Variants in CNTNAP5 observed in about 807,000 individuals in gnomAD.
CNTNAP5 encodes contactin-associated protein-like 5.
A neutral mutation model predicts 150.2 loss-of-function variants in CNTNAP5; 72 were observed. That is an observed-to-expected ratio of 0.48 (90% confidence interval 0.40 to 0.58). CNTNAP5 has a LOEUF of 0.58. Ranked by LOEUF, CNTNAP5 falls within the 20% of genes least tolerant of loss-of-function variation. CNTNAP5 has a pLI of 0.00. For synonymous variants in CNTNAP5, 672 were observed against 619.8 expected (o/e 1.08, Z -1.25); for missense variants, 1,636 against 1,626.2 (o/e 1.01, Z -0.10).
chr2:124,251,075 A>G (rs998562594), intron 3 of CNTNAP5, among the ~76,000 whole-genome samples: 1 of 152,124 alleles, frequency 6.6e-6, no homozygotes, highest in African/African-American at 2.4e-5. Flanking sequence ...ACCAATTGCA[A>G]TTGTCCATAT....
intron 3 of CNTNAP5, among the ~76,000 whole-genome samples, chr2:124,408,166 C>T (rs1691632610): frequency 6.6e-6 from 1 of 152,218 alleles, no homozygotes; most frequent in African/African-American, 2.4e-5. Flanking sequence ...GAATACTGCG[C>T]TTTTCCGACG....
chr2:124,449,370 A>C (rs545963102), intron 6 of CNTNAP5, among the ~76,000 whole-genome samples: 1 of 151,890 alleles, frequency 6.6e-6, no homozygotes, highest in South Asian at 2.1e-4. Context: ...CAACAGCAAA[A>C]AAAACAAAAC....
chr2:124,703,191 T>TTTCC (rs1223144389), intron 13 of CNTNAP5, among the ~76,000 whole-genome samples: 3 of 107,358 alleles, frequency 2.8e-5, no homozygotes, highest in Non-Finnish European at 4.5e-5. Context: ...CCTCTCCTTC[T>TTTCC]TTCCTTCCTT....
intron 19 of CNTNAP5, among the ~76,000 whole-genome samples, chr2:124,862,385 C>A (rs191452187): frequency 6.6e-6 from 1 of 152,166 alleles, no homozygotes; most frequent in Non-Finnish European, 1.5e-5. Context: ...CAACACCTTC[C>A]CTCTGACAAT....
intron 12 of CNTNAP5, among the ~76,000 whole-genome samples, chr2:124,620,548 C>T (rs887603850): frequency 6.6e-6 from 1 of 152,088 alleles, no homozygotes; most frequent in African/African-American, 2.4e-5. Flanking sequence ...AATTCTAGCA[C>T]ATTCTAGCTG....
intron 1 of CNTNAP5, among the ~76,000 whole-genome samples, chr2:124,078,809 G>A (rs1682495301): frequency 6.6e-6 from 1 of 152,142 alleles, no homozygotes; most frequent in Non-Finnish European, 1.5e-5. Flanking sequence ...TGTCTGGAGA[G>A]GGATGCAGGG....
chr2:124,268,175 A>G lies in CNTNAP5; in HGVS notation c.381+25782A>G, dbSNP rs919637981. On this transcript the variant is annotated intron_variant, in intron 3 of 23. Coordinates refer to ENST00000682447, the MANE Select transcript of CNTNAP5 (RefSeq NM_001367498.1). The stretch of plus-strand genomic sequence containing the variant: ...GCACTGGTTTTGCTTTGAAACAGTC[A>G]AAGAAGAGAACTGCCATTTAAAAGA... Among the ~76,000 whole-genome samples the G allele has an allele frequency of 2.6e-5, 4 of 152,310 alleles. No homozygotes were observed. In the East Asian group the frequency reaches 7.7e-4, roughly 29 times the overall value.
At chr2:124,501,431 G>T (rs1303726396) in intron 7 of CNTNAP5, among the ~76,000 whole-genome samples, 1 of 152,172 alleles carries the variant, frequency 6.6e-6, no homozygotes, top group East Asian at 1.9e-4. Flanking sequence ...ATTTGAGAAA[G>T]AGATTAAAAG....
chr2:124,896,046 C>T (rs1438059216), intron 21 of CNTNAP5, among the ~76,000 whole-genome samples: 1 of 151,470 alleles, frequency 6.6e-6, no homozygotes, highest in East Asian at 1.9e-4. Context: ...CATTCCGGTT[C>T]CATATCAACA....
At chr2:124,536,449 G>A (rs1199775724) in intron 10 of CNTNAP5, among the ~76,000 whole-genome samples, 1 of 151,762 alleles carries the variant, frequency 6.6e-6, no homozygotes, top group Non-Finnish European at 1.5e-5. Flanking sequence ...GGGCATCTGT[G>A]TTTTAATCAT....
At position 124,349,874 on chromosome 2, in the gene CNTNAP5, C is replaced by CTT. The variant is rs70996061; in HGVS notation, c.382-67542_382-67541dup. On this transcript the variant is annotated intron_variant, in intron 3 of 23. Coordinates refer to ENST00000682447, the MANE Select transcript of CNTNAP5 (RefSeq NM_001367498.1). Reference sequence around the variant, plus strand: ...GTTTTGAAATGACTTCTGGCTATTTCTTTTTTTTTTTTTTTTTTTTTTTTT... The same window carrying CTT: ...GTTTTGAAATGACTTCTGGCTATTTCTTTTTTTTTTTTTTTTTTTTTTTTTTT... 9.8e-3 allele frequency among the ~76,000 whole-genome samples: 799 copies of CTT among 81,750 alleles called. 146 individuals are homozygous for CTT. The highest frequency in any genetic ancestry group is 0.012 in the Admixed American group (67 of 5,590). 53.6% of individuals were successfully genotyped at this position (81,750 alleles called of 152,430 possible).
At chr2:124,835,810 G>A (rs750598774) in intron 19 of CNTNAP5, among the ~76,000 whole-genome samples, 4 of 152,056 alleles carry the variant, frequency 2.6e-5, no homozygotes, top group East Asian at 1.9e-4. Flanking sequence ...CAAAACTCAC[G>A]CAGTAAAGAA....
chr2:124,083,414 T>A (rs1192535425), intron 1 of CNTNAP5, among the ~76,000 whole-genome samples: 1 of 152,244 alleles, frequency 6.6e-6, no homozygotes, highest in African/African-American at 2.4e-5. Context: ...AACTTGTTTT[T>A]CATTCCCATG....
intron 7 of CNTNAP5, among the ~76,000 whole-genome samples, chr2:124,488,041 T>C (rs1693930706): frequency 1.3e-5 from 2 of 152,282 alleles, no homozygotes; most frequent in African/African-American, 4.8e-5. Context: ...AACTATAAGC[T>C]AATAAATATC....
intron 1 of CNTNAP5, among the ~76,000 whole-genome samples, chr2:124,197,157 C>G (rs1201737605): frequency 6.6e-6 from 1 of 152,154 alleles, no homozygotes. Context: ...AAATACATAT[C>G]TATATGCCTA....
chr2:124,083,985 A>G (rs1250861354), intron 1 of CNTNAP5, among the ~76,000 whole-genome samples: 3 of 152,050 alleles, frequency 2.0e-5, no homozygotes, highest in Admixed American at 1.3e-4. Context: ...GACAACTGAC[A>G]TCTGTACTAT....
In CNTNAP5 at chr2:124,610,881, C is replaced by T. The variant is rs555481807; in HGVS notation, c.1876+961C>T. On this transcript the variant is annotated intron_variant, in intron 12 of 23. Transcript: ENST00000682447. ...CTGAGGCACGAGACTCGCTTGAACC[C>T]GGGAGACGGAGGTTGCAGTCAGCCG... is the stretch of plus-strand genomic sequence containing the variant. Among the ~76,000 whole-genome samples the T allele has an allele frequency of 8.6e-5, 13 of 151,662 alleles. 1 individual carries two copies. The South Asian group carries it at 1.5e-3, about 17-fold the overall frequency.
chr2:124,449,854 T>A (rs1250615406), intron 6 of CNTNAP5, among the ~76,000 whole-genome samples: 1 of 152,114 alleles, frequency 6.6e-6, no homozygotes, highest in African/African-American at 2.4e-5. Flanking sequence ...AAGAGAAACC[T>A]CCAGCCTTTG....
intron 13 of CNTNAP5, among the ~76,000 whole-genome samples, chr2:124,676,748 G>A (rs540626162): frequency 6.6e-6 from 1 of 152,342 alleles, no homozygotes; most frequent in Admixed American, 6.5e-5. Context: ...AGGGAGCAGA[G>A]CAAGTTAAAG....
Sources: allele counts gnomAD v4.1 joint callset (sites outside exome capture counted in the v4.1 genomes callset), GRCh38; gene constraint gnomAD v4.1.1; transcripts MANE v1.5; gene names NCBI Gene and HGNC (gene_info 2026-07-23, HGNC 2026-07-21).